The following FBXL4 variants were observed in gnomAD, a reference collection of about 807,000 sequenced individuals.
FBXL4 encodes the protein F-box/LRR-repeat protein 4.
Under a neutral mutation model 58.9 loss-of-function variants are expected in FBXL4, and 40 were observed. That is an observed-to-expected ratio of 0.68 (90% CI 0.53 to 0.88). The LOEUF (loss-of-function observed/expected upper bound fraction) is 0.88, where lower values mean the gene tolerates loss of function less well. FBXL4 is among the 40% of genes least tolerant of loss of function. The pLI is 0.00. For synonymous variants in FBXL4, 263 were observed against 265.5 expected (o/e 0.99, Z 0.09); for missense variants, 676 against 734.4 (o/e 0.92, Z 0.92).
intron 1 of FBXL4, among the ~76,000 whole-genome samples, chr6:98,946,656 A>AG (rs1773629870): frequency 6.6e-6 from 1 of 152,222 alleles, no homozygotes; most frequent in Non-Finnish European, 1.5e-5. Flanking sequence ...AAATAACAGA[A>AG]GGGAAGAGTT....
At chr6:98,940,392 T>C (rs1773390635) in intron 1 of FBXL4, among the ~76,000 whole-genome samples, 3 of 152,234 alleles carry the variant, frequency 2.0e-5, no homozygotes, top group Admixed American at 2.0e-4. Flanking sequence ...TCAAGCCATT[T>C]CCAAAGTGGC....
At chr6:98,879,305 G>A (rs1770763404) in intron 8 of FBXL4, among the ~76,000 whole-genome samples, 1 of 152,166 alleles carries the variant, frequency 6.6e-6, no homozygotes. Flanking sequence ...CTAAGTGAAT[G>A]CAAGGCAGAA....
chr6:98,908,286 AATG>A (rs1336284188), intron 5 of FBXL4, among the ~76,000 whole-genome samples: 2 of 152,184 alleles, frequency 1.3e-5, no homozygotes, highest in Non-Finnish European at 2.9e-5. Context: ...GCACTAAAAG[AATG>A]ATACTATATA....
At chr6:98,924,127 A>G (rs1772685304) in intron 4 of FBXL4, among the ~76,000 whole-genome samples, 1 of 152,230 alleles carries the variant, frequency 6.6e-6, no homozygotes, top group Non-Finnish European at 1.5e-5. Context: ...TTAGTTATGC[A>G]GCTGTTAAGT....
At chr6:98,897,218 T>G (rs1771440026) in intron 7 of FBXL4, 2 of 985,248 alleles carry the variant, frequency 2.0e-6, no homozygotes, top group East Asian at 2.3e-4. Flanking sequence ...CTTAGGCCCA[T>G]AAAATAGTAA....
Position 98,870,728 on chromosome 6 carries a change from C to A in FBXL4, c.*3550G>T, listed in dbSNP as rs921179732. The A allele has an allele frequency of 6.6e-6, 1 of 152,082 alleles. No homozygotes were observed. Among genetic ancestry groups the A allele is most frequent in the Non-Finnish European group, 1.5e-5 (1 of 68,010 alleles). The allele number at this position is 152,082 out of a possible 1,614,324, so 9.4% of individuals were successfully genotyped here. On this transcript the variant is annotated 3_prime_UTR_variant, in exon 10 of 10. Transcript: ENST00000369244. The stretch of plus-strand genomic sequence containing the variant: ...CATTAGTATATGAATTTTTAAAAAT[C>A]AGATTAGATGTCAGAGTATGATGTT...
chr6:98,874,467 A>G, intron 9 of FBXL4, 26 bp from the exon 10 acceptor site: 1 of 1,593,930 alleles, frequency 6.3e-7, no homozygotes, highest in Non-Finnish European at 8.5e-7. Context: ...AAAACAAAAC[A>G]AAACAAAACA....
chr6:98,926,507 G>C lies in FBXL4; in HGVS notation c.482C>G (p.Pro161Arg). The part of the protein sequence containing the change: ...VIRILACSAN[P>R]YSPNPPAEVR... ...TTCAGCTGGTGGATTTGGGGAATAA[G>C]GATTTGCAGAACAAGCGAGAATTCT... Residue 161 changes from proline to arginine, a missense_variant, in exon 4 of 10, where the codon CCT becomes CGT. Coordinates refer to ENST00000369244, the MANE Select transcript of FBXL4 (RefSeq NM_001278716.2). 6.2e-7 allele frequency: 1 copy of C among 1,611,412 alleles called. No homozygotes were observed. Among genetic ancestry groups the C allele is most frequent in the Non-Finnish European group, 8.5e-7 (1 of 1,178,028 alleles).
intron 4 of FBXL4, among the ~76,000 whole-genome samples, 183 bp downstream of exon 4, chr6:98,926,294 A>T (rs1160615026): frequency 3.3e-5 from 5 of 152,230 alleles, no homozygotes; most frequent in African/African-American, 1.2e-4. Context: ...TATTACAGGT[A>T]TAAAGCCTGA....
chr6:98,910,680 G>A (rs1034911977), intron 5 of FBXL4, among the ~76,000 whole-genome samples: 30 of 151,410 alleles, frequency 2.0e-4, no homozygotes, highest in Non-Finnish European at 1.3e-4. Context: ...AAAAAAAAAA[G>A]TATTGTGGGG....
chr6:98,906,072 T>G (rs1249455952), intron 5 of FBXL4, among the ~76,000 whole-genome samples: 2 of 151,982 alleles, frequency 1.3e-5, no homozygotes. Flanking sequence ...TGATACGTTT[T>G]AATAGCTTTG....
rs1034821892 is a variant in FBXL4 at position 98,869,045 on chromosome 6, T to C, written c.*5233A>G. The C allele has an allele frequency of 9.9e-5, 15 of 152,130 alleles. No homozygotes were observed. Among genetic ancestry groups the C allele is most frequent in the South Asian group, 6.2e-4 (3 of 4,830 alleles). 9.4% of individuals were successfully genotyped at this position (152,130 alleles called of 1,614,324 possible). ...ATGACTCTTAACAGAATGTGAGCTA[T>C]TGCCAAAAAAATGATTCTAACAGTT... is the stretch of plus-strand genomic sequence containing the variant. On this transcript the variant is annotated 3_prime_UTR_variant, in exon 10 of 10. Transcript: ENST00000369244.
At chr6:98,888,742 A>T (rs937434953) in intron 7 of FBXL4, among the ~76,000 whole-genome samples, 1 of 152,156 alleles carries the variant, frequency 6.6e-6, no homozygotes, top group Non-Finnish European at 1.5e-5. Flanking sequence ...AACCTTACTT[A>T]AACAACTATG....
At chr6:98,901,137 C>T (rs1229402068) in intron 6 of FBXL4, among the ~76,000 whole-genome samples, 2 of 151,918 alleles carry the variant, frequency 1.3e-5, no homozygotes, top group South Asian at 2.1e-4. Flanking sequence ...TAAAGTAAGT[C>T]GCAAATTTGT....
chr6:98,910,849 C>T (rs573918763), intron 5 of FBXL4, among the ~76,000 whole-genome samples: 43 of 152,222 alleles, frequency 2.8e-4, no homozygotes, highest in South Asian at 1.0e-3. Context: ...TGCAGCGCAC[C>T]GTGCGCCAGC....
chr6:98,890,541 G>A (rs879485069), intron 7 of FBXL4, among the ~76,000 whole-genome samples: 2 of 152,214 alleles, frequency 1.3e-5, no homozygotes, highest in Middle Eastern at 6.8e-3. Flanking sequence ...TAAAATACAT[G>A]TATAAGTGTA....
chr6:98,917,713 CT>C lies in FBXL4; in HGVS notation c.518del (p.Glu173GlyfsTer11). ...TCGTAGGTCTCTCTGACCAAAGAAT[CT>C]CCCATCTGCCAAAAAAAGAAACTTC... is the stretch of plus-strand genomic sequence containing the variant. Reference protein sequence around the residue: ...SPNPPAEVRWEILWSERPTKV... With the variant: ...SPNPPAEVRWXILWSERPTKV... On this transcript the variant is annotated frameshift_variant, in exon 5 of 10. Coordinates refer to ENST00000369244, the MANE Select transcript of FBXL4 (RefSeq NM_001278716.2). LOFTEE classifies it high-confidence loss of function. The C allele has an allele frequency of 6.3e-7, 1 of 1,587,024 alleles. No individual in the cohort carries two copies. Among genetic ancestry groups the C allele is most frequent in the Non-Finnish European group, 8.5e-7 (1 of 1,170,042 alleles).
intron 5 of FBXL4, among the ~76,000 whole-genome samples, chr6:98,907,658 T>A (rs1034412031): frequency 3.3e-5 from 5 of 152,146 alleles, no homozygotes; most frequent in Admixed American, 2.0e-4. Context: ...ATGTTAAAAA[T>A]CTTATTTAGA....
intron 1 of FBXL4, among the ~76,000 whole-genome samples, chr6:98,939,724 C>T (rs888709309): frequency 1.3e-5 from 2 of 152,178 alleles, no homozygotes; most frequent in South Asian, 2.1e-4. Flanking sequence ...GAATCACTTC[C>T]GACATTACCA....
Sources: allele counts gnomAD v4.1 joint callset (sites outside exome capture counted in the v4.1 genomes callset), GRCh38; gene constraint gnomAD v4.1.1; transcripts MANE v1.5; gene names NCBI Gene and HGNC (gene_info 2026-07-23, HGNC 2026-07-21).